The following SEMA3D variants were observed in gnomAD, a reference collection of about 807,000 sequenced individuals.
SEMA3D encodes the protein semaphorin-3D.
Under a neutral mutation model 100.1 loss-of-function variants are expected in SEMA3D, and 84 were observed. The observed-to-expected ratio is 0.84, with a 90% CI of 0.70 to 1.01. SEMA3D has a LOEUF of 1.01. Among genes scored for constraint, SEMA3D ranks in the 50% least tolerant of loss-of-function variants. SEMA3D has a pLI of 0.00. For missense variants in SEMA3D, 875 were observed against 934.1 expected (o/e 0.94, Z 0.82); for synonymous variants, 312 against 320.7 (o/e 0.97, Z 0.29).
At chr7:85,249,915 G>T in the SEMA3D span, among the ~76,000 whole-genome samples, 1 of 151,882 alleles carries the variant, frequency 6.6e-6, no homozygotes, top group Non-Finnish European at 1.5e-5. Flanking sequence ...CAGCGTGAGC[G>T]ACGCAGAAGA....
intron 12 of SEMA3D, chr7:85,028,081 T>G (rs895711615): frequency 6.5e-6 from 4 of 616,370 alleles, no homozygotes; most frequent in Non-Finnish European, 1.2e-5. Flanking sequence ...ATTGTCCAGT[T>G]TGATATGACA....
At chr7:85,241,612 C>T in the SEMA3D span, among the ~76,000 whole-genome samples, 1 of 150,936 alleles carries the variant, frequency 6.6e-6, no homozygotes. Flanking sequence ...TTTATGTTCT[C>T]ACTCATAAGT....
At chr7:85,035,377 T>C (rs971790342) in intron 12 of SEMA3D, among the ~76,000 whole-genome samples, 3 of 151,854 alleles carry the variant, frequency 2.0e-5, no homozygotes, top group African/African-American at 7.3e-5. Flanking sequence ...TGTATATATA[T>C]AAAATGGGAC....
At chr7:85,045,021 G>T (rs1790969354) in intron 9 of SEMA3D, among the ~76,000 whole-genome samples, 1 of 151,944 alleles carries the variant, frequency 6.6e-6, no homozygotes, top group African/African-American at 2.4e-5. Context: ...TTTCAGAATG[G>T]TATAGACTAA....
At chr7:85,147,608 T>C (rs1355553109) in intron 2 of SEMA3D, among the ~76,000 whole-genome samples, 1 of 152,178 alleles carries the variant, frequency 6.6e-6, no homozygotes, top group Non-Finnish European at 1.5e-5. Context: ...TCTATAAATA[T>C]ATTTTTCTGA....
intron 1 of SEMA3D, among the ~76,000 whole-genome samples, chr7:85,157,252 G>A (rs1451270231): frequency 6.6e-6 from 1 of 152,098 alleles, no homozygotes; most frequent in Non-Finnish European, 1.5e-5. Flanking sequence ...AATAAATTAT[G>A]TTAACAATAT....
chr7:85,100,140 T>C (rs1788702004), intron 3 of SEMA3D, among the ~76,000 whole-genome samples: 1 of 151,916 alleles, frequency 6.6e-6, no homozygotes, highest in Non-Finnish European at 1.5e-5. Flanking sequence ...AATCCAGTAA[T>C]GATATCAAAA....
chr7:85,146,863 C>G (rs574037618), intron 2 of SEMA3D, among the ~76,000 whole-genome samples: 1 of 151,702 alleles, frequency 6.6e-6, no homozygotes, highest in African/African-American at 2.4e-5. Context: ...AAAGGAGTAG[C>G]AAATTTAATA....
chr7:85,244,913 C>T, the SEMA3D span, among the ~76,000 whole-genome samples: 14 of 152,024 alleles, frequency 9.2e-5, no homozygotes, highest in East Asian at 1.9e-4. Flanking sequence ...GGATTCACCA[C>T]GTTGGCCAGG....
the SEMA3D span, among the ~76,000 whole-genome samples, chr7:85,249,724 A>G: frequency 6.6e-6 from 1 of 152,358 alleles, no homozygotes; most frequent in African/African-American, 2.4e-5. Flanking sequence ...AAAGAACTGG[A>G]AGACAAAAAT....
intron 1 of SEMA3D, among the ~76,000 whole-genome samples, chr7:85,181,368 T>C (rs1262142423): frequency 8.3e-6 from 1 of 120,744 alleles, no homozygotes; most frequent in Non-Finnish European, 1.8e-5. Flanking sequence ...ACACATGCAC[T>C]GCTAGAGTTG....
At chr7:85,023,906 A>G (rs536077323) in intron 12 of SEMA3D, among the ~76,000 whole-genome samples, 48 of 152,016 alleles carry the variant, frequency 3.2e-4, no homozygotes, top group African/African-American at 1.2e-3. Context: ...AAAATTTTCA[A>G]TGTCTGGTAT....
intron 4 of SEMA3D, among the ~76,000 whole-genome samples, chr7:85,096,751 A>G (rs61088529): frequency 0.22 from 33,512 of 151,750 alleles, 4,377 homozygotes; most frequent in East Asian, 0.38. Flanking sequence ...AAGCCCTGAG[A>G]ACAAATAATT....
chr7:85,208,959 C>T, the SEMA3D span, among the ~76,000 whole-genome samples: 1 of 152,068 alleles, frequency 6.6e-6, no homozygotes, highest in African/African-American at 2.4e-5. Context: ...CTGTGTCCAT[C>T]CCAGTCAAGT....
chr7:85,162,372 G>C (rs770154099), intron 1 of SEMA3D, among the ~76,000 whole-genome samples: 1 of 152,052 alleles, frequency 6.6e-6, no homozygotes, highest in Non-Finnish European at 1.5e-5. Flanking sequence ...AGTTTGTTGG[G>C]AATCATTAAA....
chr7:85,178,691 A>C (rs889504162), intron 1 of SEMA3D, among the ~76,000 whole-genome samples: 3 of 152,238 alleles, frequency 2.0e-5, no homozygotes, highest in East Asian at 1.9e-4. Context: ...TTTCTGAGGA[A>C]AAATTTAAGC....
the SEMA3D span, among the ~76,000 whole-genome samples, chr7:85,214,066 TAAAC>T: frequency 1.3e-5 from 2 of 152,158 alleles, no homozygotes; most frequent in African/African-American, 4.8e-5. Flanking sequence ...TTGATTCAAA[TAAAC>T]AAAATCCACT....
At chr7:85,081,299 A>G (rs1331729525) in intron 5 of SEMA3D, among the ~76,000 whole-genome samples, 2 of 152,224 alleles carry the variant, frequency 1.3e-5, no homozygotes, top group Non-Finnish European at 2.9e-5. Flanking sequence ...ATACATTAGA[A>G]AGTAGAGTGT....
intron 1 of SEMA3D, chr7:85,160,072 A>G: frequency 1.1e-6 from 1 of 923,432 alleles, no homozygotes; most frequent in Non-Finnish European, 1.3e-6. Flanking sequence ...AGTAATACTG[A>G]AAATAATATA....
Sources: gnomAD v4.1 joint callset for allele counts (sites outside exome capture counted in the v4.1 genomes callset) on GRCh38, gnomAD v4.1.1 for gene constraint, MANE v1.5 for transcripts, NCBI Gene and HGNC (gene_info 2026-07-23, HGNC 2026-07-21) for gene names.